Variants in LGALS1 observed in about 807,000 individuals in gnomAD.
LGALS1 encodes galectin 1.
A neutral mutation model predicts 14.4 loss-of-function variants in LGALS1; 14 were observed. The ratio of observed to expected loss-of-function variants is 0.97; its 90% CI spans 0.64 to 1.52. The LOEUF (loss-of-function observed/expected upper bound fraction) is 1.52. Among genes scored for constraint, LGALS1 ranks in the 40% most tolerant of loss-of-function variants. The pLI is 0.00. For missense variants in LGALS1, 170 were observed against 181.4 expected, an observed-to-expected ratio of 0.94 and a Z score of 0.36; for synonymous variants, 71 against 73.4, an observed-to-expected ratio of 0.97 and a Z score of 0.17.
rs759351256 is a variant in LGALS1 at position 37,678,553 on chromosome 22, G to A, written c.160G>A (p.Gly54Ser). ...CTTCAACCCTCGCTTCAACGCCCAC[G>A]GCGACGCCAACACCATCGTGTGCAA... Reference protein sequence around the residue: ...LHFNPRFNAHGDANTIVCNSK... With the variant: ...LHFNPRFNAHSDANTIVCNSK... The change falls in exon 3 of 4, where the codon GGC becomes AGC. Residue 54 changes from glycine to serine, a missense_variant. Transcript: ENST00000215909. 1.4e-5 allele frequency: 23 copies of A among 1,613,626 alleles called. No homozygotes were observed. The East Asian group carries it at 2.2e-4, about 16-fold the overall frequency.
chr22:37,679,225 A>G (rs1039230715), intron 3 of LGALS1, among the ~76,000 whole-genome samples: 1 of 151,734 alleles, frequency 6.6e-6, no homozygotes, highest in African/African-American at 2.4e-5. Context: ...TGAGGTCAGG[A>G]GTTCGAGACC....
chr22:37,677,987 G>A (rs968638054), intron 2 of LGALS1, among the ~76,000 whole-genome samples: 1 of 152,076 alleles, frequency 6.6e-6, no homozygotes, highest in African/African-American at 2.4e-5. Flanking sequence ...GTTTCACCAT[G>A]TTGGCCAGGC....
rs978459750 is a variant in LGALS1, at chr22:37,678,332, G to T, written c.90-151G>T. On this transcript the variant is annotated intron_variant, in intron 2 of 3. Transcript: ENST00000215909. Reference sequence around the variant, plus strand: ...AACAGGGGAAGAGGGGCAGGAGCAGGTGGCATGGCCAGAGCTAGAATCCAG... The same window carrying T: ...AACAGGGGAAGAGGGGCAGGAGCAGTTGGCATGGCCAGAGCTAGAATCCAG... The T allele has an allele frequency of 1.7e-5, 14 of 814,968 alleles. 1 individual carries two copies. In the Middle Eastern group the frequency reaches 2.8e-3, roughly 166 times the overall value. The allele number at this position is 814,968 out of a possible 1,614,324, so 50.5% of individuals were successfully genotyped here.
At chr22:37,678,930 G>A (rs1435940946) in intron 3 of LGALS1, among the ~76,000 whole-genome samples, 1 of 152,112 alleles carries the variant, frequency 6.6e-6, no homozygotes, top group Non-Finnish European at 1.5e-5. Flanking sequence ...GGGAGTTCGA[G>A]ACCAGCCTGA....
Position 37,678,530 on chromosome 22 carries a change from T to C in LGALS1, c.137T>C (p.Phe46Ser), listed in dbSNP as rs1299362613. 6.2e-7 allele frequency: 1 copy of C among 1,613,646 alleles called. No homozygotes were observed. The change falls in exon 3 of 4, where the codon TTC becomes TCC. Residue 46 changes from phenylalanine (F) to serine (S), a missense_variant. Coordinates refer to ENST00000215909, the MANE Select transcript of LGALS1 (RefSeq NM_002305.4). ...GKDSNNLCLH[F>S]NPRFNAHGDA... Reference sequence around the variant, plus strand: ...GACAGCAACAACCTGTGCCTGCACTTCAACCCTCGCTTCAACGCCCACGGC... The same window carrying C: ...GACAGCAACAACCTGTGCCTGCACTCCAACCCTCGCTTCAACGCCCACGGC...
chr22:37,676,760 G>C, intron 1 of LGALS1: 1 of 615,368 alleles, frequency 1.6e-6, no homozygotes, highest in Non-Finnish European at 3.0e-6. Flanking sequence ...GAACCTTCAC[G>C]TTACAGACTG....
intron 1 of LGALS1, among the ~76,000 whole-genome samples, chr22:37,676,582 A>G (rs1385047373): frequency 2.0e-5 from 3 of 151,928 alleles, no homozygotes; most frequent in Non-Finnish European, 4.4e-5. Flanking sequence ...CTTCCTCTCC[A>G]GCAGAGGGGC....
Position 37,675,730 on chromosome 22 carries a change from C to G in LGALS1, c.9+19C>G, listed in dbSNP as rs1218565484. 11 of 1,539,038 alleles carry G rather than the reference C, an allele frequency of 7.1e-6. No individual in the cohort carries two copies. The highest frequency in any genetic ancestry group is 4.8e-5 in the South Asian group (4 of 82,902). Reference sequence around the variant, plus strand: ...GGCTTGTGTGAGTGTGGGGACCCCCCCCCAAGGTCCAGGGGATAGGGCAGG... The same window carrying G: ...GGCTTGTGTGAGTGTGGGGACCCCCGCCCAAGGTCCAGGGGATAGGGCAGG... On this transcript the variant is annotated intron_variant, in intron 1 of 3. Transcript: ENST00000215909.
chr22:37,678,798 C>T (rs1921530775), intron 3 of LGALS1, 144 bp downstream of exon 3: 12 of 794,500 alleles, frequency 1.5e-5, no homozygotes, highest in Non-Finnish European at 2.3e-5. Flanking sequence ...GTGTCTGCCC[C>T]TCTTTGAACC....
In LGALS1 at chr22:37,679,789, C is replaced by G. The variant is rs1275932898; in HGVS notation, c.*40C>G. On this transcript the variant is annotated 3_prime_UTR_variant, in exon 4 of 4. Transcript: ENST00000215909. The stretch of plus-strand genomic sequence containing the variant: ...TGGCCCCCAATAAAGGCAGCTGCCT[C>G]TGCTCCCTCTGAACCAGCCTCGTGT... 1 of 1,546,982 alleles carries G rather than the reference C, an allele frequency of 6.5e-7. No individual in the cohort carries two copies. The highest frequency in any genetic ancestry group is 2.4e-5 in the East Asian group (1 of 41,564).
chr22:37,677,912 G>A (rs1921492846), intron 2 of LGALS1, among the ~76,000 whole-genome samples: 1 of 152,016 alleles, frequency 6.6e-6, no homozygotes, highest in South Asian at 2.1e-4. Flanking sequence ...AGCCTCCTGA[G>A]TAGCCGGGAT....
In LGALS1 at chr22:37,679,544, C is replaced by T. The variant is rs1052972928; in HGVS notation, c.262-59C>T. ...GGCTGTGTCAGGGCCACATGAGGAACGGGTTCTGGAAGGGCCCATGGCATG... is the reference window on the plus strand; with the variant it reads ...GGCTGTGTCAGGGCCACATGAGGAATGGGTTCTGGAAGGGCCCATGGCATG... On this transcript the variant is annotated intron_variant, in intron 3 of 3. Transcript: ENST00000215909. 34 of 1,449,980 alleles carry T rather than the reference C, an allele frequency of 2.3e-5. No homozygotes were observed. The African/African-American group carries it at 2.5e-4, about 10-fold the overall frequency. The allele number at this position is 1,449,980 out of a possible 1,614,324, so 89.8% of individuals were successfully genotyped here.
rs1027340845 is a variant in LGALS1, at chr22:37,678,370, T to C, written c.90-113T>C. 1.2e-5 allele frequency: 14 copies of C among 1,170,376 alleles called. No individual in the cohort carries two copies. In the African/African-American group the frequency reaches 2.0e-4, roughly 17 times the overall value. 72.5% of individuals were successfully genotyped at this position (1,170,376 alleles called of 1,614,324 possible). ...AGCTAGAATCCAGGTTTCTTGTCTC[T>C]GTTAGTGAGTTCTTCCAGCAAGGTG... On this transcript the variant is annotated intron_variant, in intron 2 of 3. Transcript: ENST00000215909.
intron 2 of LGALS1, chr22:37,677,591 GGT>G (rs1921480171): frequency 6.2e-6 from 1 of 160,348 alleles, no homozygotes; most frequent in Non-Finnish European, 1.4e-5. Flanking sequence ...GGGGGGAGGT[GGT>G]TGTGTGGAGG....
rs113015790 is a variant in LGALS1, at chr22:37,676,984, A to G, written c.10-2A>G. Reference sequence around the variant, plus strand: ...CGGCTGGGCCGGGGCTTGTCTGTGCAGGGTCTGGTCGCCAGCAACCTGAAT... The same window carrying G: ...CGGCTGGGCCGGGGCTTGTCTGTGCGGGGTCTGGTCGCCAGCAACCTGAAT... On this transcript the variant is annotated splice_acceptor_variant, in intron 1 of 3. Transcript: ENST00000215909. LOFTEE classifies it high-confidence loss of function. 6.2e-7 allele frequency: 1 copy of G among 1,613,902 alleles called. No homozygotes were observed. Among genetic ancestry groups the G allele is most frequent in the Non-Finnish European group, 8.5e-7 (1 of 1,179,938 alleles).
rs932474646 is a variant in LGALS1 at position 37,676,804 on chromosome 22, G to A, written c.10-182G>A. 4.3e-6 allele frequency: 3 copies of A among 705,570 alleles called. No individual in the cohort carries two copies. In the African/African-American group the frequency reaches 5.3e-5, roughly 12 times the overall value. 43.7% of individuals were successfully genotyped at this position (705,570 alleles called of 1,614,324 possible). A position where few individuals can be genotyped will look rare whatever the true frequency, so the allele number is the denominator to read the frequency against. On this transcript the variant is annotated intron_variant, in intron 1 of 3. Transcript: ENST00000215909. The stretch of plus-strand genomic sequence containing the variant: ...CCCGGTGGGAATAGGGACTTTCCCA[G>A]GACCACATAGACAATCGGAGGCTGG...
In LGALS1 at chr22:37,675,642, C is replaced by A; in HGVS notation, c.-61C>A. On this transcript the variant is annotated 5_prime_UTR_variant, in exon 1 of 4. Coordinates refer to ENST00000215909, the MANE Select transcript of LGALS1 (RefSeq NM_002305.4). ...TGGGAGCGTCCGGGGGCCCATCTCT[C>A]TCGGGTGGAGTCTTCTGACAGCTGG... is the stretch of plus-strand genomic sequence containing the variant. The A allele has an allele frequency of 6.5e-7, 1 of 1,543,684 alleles. No homozygotes were observed.
At chr22:37,676,875 A>G in intron 1 of LGALS1, 111 bp from the exon 2 acceptor site, 1 of 1,029,558 alleles carries the variant, frequency 9.7e-7, no homozygotes, top group Non-Finnish European at 1.5e-6. Flanking sequence ...TGGCTTGGTC[A>G]GAGGATGCCG....
At chr22:37,676,871 G>C (rs574830233) in intron 1 of LGALS1, 115 bp from the exon 2 acceptor site, 1 of 971,416 alleles carries the variant, frequency 1.0e-6, no homozygotes, top group Admixed American at 2.0e-5. Context: ...CCCTTGGCTT[G>C]GTCAGAGGAT....
Sources: allele counts gnomAD v4.1 joint callset (sites outside exome capture counted in the v4.1 genomes callset), GRCh38; gene constraint gnomAD v4.1.1; transcripts MANE v1.5; gene names NCBI Gene and HGNC (gene_info 2026-07-23, HGNC 2026-07-21).